Variants in CABLES1 observed in about 807,000 individuals in gnomAD.
CABLES1 encodes the protein Cdk5 and Abl enzyme substrate 1.
A neutral mutation model predicts 57.8 loss-of-function variants in CABLES1; 36 were observed. The observed-to-expected ratio is 0.62, with a 90% CI of 0.48 to 0.82. The LOEUF is 0.82. Among genes scored for constraint, CABLES1 ranks in the 40% least tolerant of loss-of-function variants. The probability of loss-of-function intolerance (pLI) is 0.00; values close to 1 mark genes in which losing one functional copy is unlikely to be tolerated. For synonymous variants in CABLES1, 374 were observed against 363.0 expected, an observed-to-expected ratio of 1.03 and a Z score of -0.35; for missense variants, 767 against 836.6, an observed-to-expected ratio of 0.92 and a Z score of 1.03.
chr18:23,161,605 A>G (rs1362989514), intron 1 of CABLES1, among the ~76,000 whole-genome samples: 1 of 150,732 alleles, frequency 6.6e-6, no homozygotes, highest in East Asian at 1.9e-4. Context: ...ATTTATGTAT[A>G]CTTCTTTTAA....
chr18:23,139,882 A>G (rs2046846701), intron 1 of CABLES1, among the ~76,000 whole-genome samples: 2 of 152,172 alleles, frequency 1.3e-5, no homozygotes, highest in South Asian at 2.1e-4. Flanking sequence ...TTGGCTGTAA[A>G]TGTTTGTGTA....
At chr18:23,236,546 G>A (rs750119659) in intron 6 of CABLES1, among the ~76,000 whole-genome samples, 50 of 152,134 alleles carry the variant, frequency 3.3e-4, no homozygotes, top group Middle Eastern at 3.2e-3. Context: ...GAACTGGCAC[G>A]TGGAGAAAAC....
At chr18:23,148,058 C>T (rs536982626) in intron 1 of CABLES1, among the ~76,000 whole-genome samples, 8 of 143,998 alleles carry the variant, frequency 5.6e-5, no homozygotes, top group African/African-American at 1.3e-4. Context: ...GGCGTGATCT[C>T]GGCTTACTGC....
At chr18:23,140,496 G>A (rs1481231288) in intron 1 of CABLES1, among the ~76,000 whole-genome samples, 3 of 151,456 alleles carry the variant, frequency 2.0e-5, no homozygotes, top group Admixed American at 2.0e-4. Context: ...GAGTGCAGTG[G>A]CGCCATCGCG....
chr18:23,231,551 G>C (rs965987245), intron 4 of CABLES1, among the ~76,000 whole-genome samples: 3 of 152,142 alleles, frequency 2.0e-5, no homozygotes, highest in African/African-American at 7.2e-5. Context: ...GAAAGCCAGG[G>C]GGAAGTGGTG....
chr18:23,206,119 G>A (rs1043346414), intron 3 of CABLES1, among the ~76,000 whole-genome samples: 1 of 152,112 alleles, frequency 6.6e-6, no homozygotes, highest in Non-Finnish European at 1.5e-5. Context: ...GAGCTTTTCT[G>A]CCCATCTGAC....
Position 23,136,492 on chromosome 18 carries a change from A to G in CABLES1, c.730A>G (p.Thr244Ala). The G allele has an allele frequency of 6.2e-7, 1 of 1,601,604 alleles. No individual in the cohort carries two copies. The highest frequency in any genetic ancestry group is 8.5e-7 in the Non-Finnish European group (1 of 1,177,470). ...SGSRGRLNSFTQGILPIAFSR... is the reference protein window; with the variant it reads ...SGSRGRLNSFAQGILPIAFSR... ...CAGTCGGGGACGCCTCAACTCGTTC[A>G]CTCAGGGAATCCTGCCCATCGCCTT... is the stretch of plus-strand genomic sequence containing the variant. The change falls in exon 1 of 10, where the codon ACT becomes GCT. Residue 244 changes from threonine (T) to alanine (A), a missense_variant. By Grantham distance (58) the Thr-to-Ala change is moderately conservative (BLOSUM62 0). This residue lies in a region of CABLES1 where 529 missense variants were observed against 622.8 expected (regional missense o/e 0.85). Transcript: ENST00000256925.
intron 4 of CABLES1, among the ~76,000 whole-genome samples, chr18:23,216,927 T>C (rs781427665): frequency 6.6e-6 from 1 of 152,168 alleles, no homozygotes; most frequent in African/African-American, 2.4e-5. Context: ...TCAGCAGATT[T>C]GGCTGCTGTG....
At chr18:23,155,857 A>G (rs779843569) in intron 1 of CABLES1, 1 of 1,613,266 alleles carries the variant, frequency 6.2e-7, no homozygotes, top group African/African-American at 1.3e-5. Flanking sequence ...TGAATGACTC[A>G]TAAAATGAGT....
intron 7 of CABLES1, among the ~76,000 whole-genome samples, chr18:23,238,056 AGCCGG>A (rs2047647613): frequency 6.6e-6 from 1 of 152,242 alleles, no homozygotes; most frequent in Admixed American, 6.5e-5. Flanking sequence ...CTGGCCCATG[AGCCGG>A]GCCTGGCGGG....
At chr18:23,248,317 A>G (rs1783735739) in intron 7 of CABLES1, among the ~76,000 whole-genome samples, 1 of 152,108 alleles carries the variant, frequency 6.6e-6, no homozygotes, top group South Asian at 2.1e-4. Context: ...GGTAAATGCA[A>G]TCAGCAGAAT....
chr18:23,136,389 G>C lies in CABLES1; in HGVS notation c.627G>C (p.Glu209Asp). Residue 209 changes from glutamate to aspartate, a missense_variant, in exon 1 of 10, where the codon GAG (glutamate) becomes GAC (aspartate). Glu to Asp is a conservative substitution (Grantham distance 45). Coordinates refer to ENST00000256925, the MANE Select transcript of CABLES1 (RefSeq NM_001100619.3). ...GGGCCGCCGGGCAGGAGGAGTTGGA[G>C]GAGGACGATGCCTTTATCAGCGTGC... ...GSGAAGQEEL[E>D]EDDAFISVQV... is the part of the protein sequence containing the mutation. 1 of 1,574,390 alleles carries C rather than the reference G, an allele frequency of 6.4e-7. No homozygotes were observed. The highest frequency in any genetic ancestry group is 8.6e-7 in the Non-Finnish European group (1 of 1,162,384).
chr18:23,162,342 T>G (rs2047011412), intron 1 of CABLES1, among the ~76,000 whole-genome samples: 1 of 152,214 alleles, frequency 6.6e-6, no homozygotes. Context: ...AAGACATTCA[T>G]TATTAGCTTA....
intron 1 of CABLES1, among the ~76,000 whole-genome samples, chr18:23,137,089 C>A (rs1346548097): frequency 6.6e-6 from 1 of 152,232 alleles, no homozygotes; most frequent in Non-Finnish European, 1.5e-5. Flanking sequence ...GCCTGCGCTC[C>A]AAGTCTTCTT....
At chr18:23,233,634 G>A (rs550655636) in intron 4 of CABLES1, among the ~76,000 whole-genome samples, 11 of 152,282 alleles carry the variant, frequency 7.2e-5, no homozygotes, top group African/African-American at 1.2e-4. Flanking sequence ...GATGGCTTGC[G>A]CCCAAGAGTT....
intron 1 of CABLES1, among the ~76,000 whole-genome samples, chr18:23,167,573 G>A (rs1274241974): frequency 1.3e-5 from 2 of 152,148 alleles, no homozygotes; most frequent in Non-Finnish European, 2.9e-5. Context: ...TTGTGCTTTG[G>A]TTTGTTCAGA....
At chr18:23,215,554 G>GTTTCCCTGGC (rs537082004) in intron 4 of CABLES1, among the ~76,000 whole-genome samples, 19 of 152,074 alleles carry the variant, frequency 1.2e-4, no homozygotes, top group Non-Finnish European at 2.5e-4. Flanking sequence ...GTTTCTCTGG[G>GTTTCCCTGGC]TTTCCCTGGC....
intron 7 of CABLES1, 36 bp downstream of exon 7, chr18:23,237,281 C>T: frequency 7.2e-7 from 1 of 1,386,362 alleles, no homozygotes; most frequent in South Asian, 1.2e-5. Flanking sequence ...GTTTGCTGCA[C>T]CGTCAGTTGC....
intron 1 of CABLES1, among the ~76,000 whole-genome samples, chr18:23,158,776 A>G (rs936036876): frequency 6.6e-6 from 1 of 152,252 alleles, no homozygotes; most frequent in Non-Finnish European, 1.5e-5. Flanking sequence ...TTTAAGGAAC[A>G]GAAAATGAGA....
Sources: gnomAD v4.1 joint callset for allele counts (sites outside exome capture counted in the v4.1 genomes callset) on GRCh38, gnomAD v4.1.1 for gene constraint, gnomAD v4.1.1 regional missense constraint, MANE v1.5 for transcripts, NCBI Gene and HGNC (gene_info 2026-07-23, HGNC 2026-07-21) for gene names.